The following OR1I1 variants were observed in gnomAD, a reference collection of about 807,000 sequenced individuals.
OR1I1 encodes the protein olfactory receptor family 1 subfamily I member 1, also known as olfactory receptor 1I1.
For missense variants in OR1I1, 451 were observed against 443.6 expected (o/e 1.02, Z -0.15); for synonymous variants, 171 against 181.4 (o/e 0.94, Z 0.46).
At chr19:15,084,067 T>G (rs1370639776) in intron 1 of OR1I1, among the ~76,000 whole-genome samples, 1 of 152,162 alleles carries the variant, frequency 6.6e-6, no homozygotes, top group East Asian at 1.9e-4. Flanking sequence ...AGCTTCGAAA[T>G]GCCTCATAAA....
At position 15,087,377 on chromosome 19, in the gene OR1I1, C is replaced by A; in HGVS notation, c.312C>A (p.Phe104Leu). ...FVGCLTQMYA[F>L]HLFGTMDSFL... ...GCTGCCTCACCCAGATGTATGCCTT[C>A]CACCTGTTCGGGACCATGGACAGCT... The change falls in exon 2 of 2, where the codon TTC (phenylalanine) becomes TTA (leucine). Residue 104 changes from phenylalanine (F) to leucine (L), a missense_variant. Coordinates refer to ENST00000641398, the MANE Select transcript of OR1I1 (RefSeq NM_001004713.2). 1 of 1,614,206 alleles carries A rather than the reference C, an allele frequency of 6.2e-7. No individual in the cohort carries two copies. The highest frequency in any genetic ancestry group is 8.5e-7 in the Non-Finnish European group (1 of 1,180,038).
At position 15,084,780 on chromosome 19, in the gene OR1I1, G is replaced by GA. The variant is rs534634062; in HGVS notation, c.-13-2264dup. 1.8e-4 allele frequency among the ~76,000 whole-genome samples: 27 copies of GA among 149,578 alleles called. 1 individual carries two copies. In the South Asian group the frequency reaches 4.7e-3, roughly 26 times the overall value. ...CATGCTGAGCAGCCAATAGCTGGGG[G>GA]AAAAAAAAAGAAAGAAACTGGCTCC... On this transcript the variant is annotated intron_variant, in intron 1 of 1. Coordinates refer to ENST00000641398, the MANE Select transcript of OR1I1 (RefSeq NM_001004713.2).
Position 15,088,470 on chromosome 19 carries a change from C to G in OR1I1, c.*337C>G, listed in dbSNP as rs1651420886. 7.3e-6 allele frequency: 2 copies of G among 273,448 alleles called. No homozygotes were observed. Among genetic ancestry groups the G allele is most frequent in the Non-Finnish European group, 1.4e-5 (2 of 142,336 alleles). The allele number at this position is 273,448 out of a possible 1,614,324, so 16.9% of individuals were successfully genotyped here. A position where few individuals can be genotyped will look rare whatever the true frequency, so the allele number is the denominator to read the frequency against. On this transcript the variant is annotated 3_prime_UTR_variant, in exon 2 of 2. Coordinates refer to ENST00000641398, the MANE Select transcript of OR1I1 (RefSeq NM_001004713.2). ...GTTTGAGACCAGCCTGGGCAACATA[C>G]AGAGACCCTATCTCCACACACACAC...
chr19:15,087,760 G>C lies in OR1I1; in HGVS notation c.695G>C (p.Arg232Pro). Residue 232 changes from arginine (R) to proline (P), a missense_variant, in exon 2 of 2, where the codon CGG becomes CCG. Transcript: ENST00000641398. Reference sequence around the variant, plus strand: ...ACAGTCTTTAAGATCCCTTCTACTCGGGGCAAGTGGAAAGCCTTCTCCACC... The same window carrying C: ...ACAGTCTTTAAGATCCCTTCTACTCCGGGCAAGTGGAAAGCCTTCTCCACC... Reference protein sequence around the residue: ...FWTVFKIPSTRGKWKAFSTCG... With the variant: ...FWTVFKIPSTPGKWKAFSTCG... 6.2e-7 allele frequency: 1 copy of C among 1,614,114 alleles called. No homozygotes were observed. Among genetic ancestry groups the C allele is most frequent in the Non-Finnish European group, 8.5e-7 (1 of 1,180,020 alleles).
chr19:15,092,168 C>A lies in OR1I1; in HGVS notation c.*4035C>A, dbSNP rs1292476516. 1 of 122,552 alleles carries A rather than the reference C, an allele frequency of 8.2e-6. No individual in the cohort carries two copies. Among genetic ancestry groups the A allele is most frequent in the Non-Finnish European group, 1.6e-5 (1 of 62,140 alleles). 7.6% of individuals were successfully genotyped at this position (122,552 alleles called of 1,614,324 possible). ...ACTTGTATTCTAGCTGTGAACTGGCCCAGGTCCATGGCCCTTAGGTGTAAT... is the reference window on the plus strand; with the variant it reads ...ACTTGTATTCTAGCTGTGAACTGGCACAGGTCCATGGCCCTTAGGTGTAAT... On this transcript the variant is annotated 3_prime_UTR_variant, in exon 2 of 2. Transcript: ENST00000641398.
At chr19:15,085,180 T>A (rs1303380343) in intron 1 of OR1I1, among the ~76,000 whole-genome samples, 27 of 92,008 alleles carry the variant, frequency 2.9e-4, no homozygotes, top group East Asian at 1.1e-3. Flanking sequence ...ATATATATTT[T>A]TTTTTTTGAG....
intron 1 of OR1I1, among the ~76,000 whole-genome samples, chr19:15,085,031 C>T (rs1422342532): frequency 6.7e-6 from 1 of 149,352 alleles, no homozygotes; most frequent in Non-Finnish European, 1.5e-5. Flanking sequence ...GATAATTTTG[C>T]CTAACTGTAG....
At chr19:15,086,008 G>T (rs34857561) in intron 1 of OR1I1, among the ~76,000 whole-genome samples, 4 of 151,880 alleles carry the variant, frequency 2.6e-5, no homozygotes, top group Non-Finnish European at 4.4e-5. Context: ...GAGGGTTGAG[G>T]GGGGAGGAAA....
At position 15,087,073 on chromosome 19, in the gene OR1I1, C is replaced by T. The variant is rs141567492; in HGVS notation, c.8C>T (p.Pro3Leu). 4.3e-5 allele frequency: 69 copies of T among 1,610,206 alleles called. 1 individual carries two copies. The South Asian group carries it at 7.3e-4, about 17-fold the overall frequency. ME[P>L]EKQTEISEFF... The stretch of plus-strand genomic sequence containing the variant: ...ACTAGTCACAGACCATACATGGAAC[C>T]AGAAAAGCAAACCGAAATCTCAGAA... The change falls in exon 2 of 2, where the codon CCA becomes CTA. Residue 3 changes from proline to leucine, a missense_variant. By Grantham distance (98) the Pro-to-Leu change is moderately conservative. Transcript: ENST00000641398.
intron 1 of OR1I1, among the ~76,000 whole-genome samples, chr19:15,085,170 A>ATTTTTTT (rs1568321906): frequency 1.6e-4 from 3 of 19,332 alleles, no homozygotes; most frequent in African/African-American, 3.5e-4. Context: ...ATATATATAT[A>ATTTTTTT]TATATATTTT....
In OR1I1 at chr19:15,084,543, G is replaced by GT. The variant is rs562713804; in HGVS notation, c.-14+2268dup. 1.5e-3 allele frequency among the ~76,000 whole-genome samples: 223 copies of GT among 152,150 alleles called. 1 individual carries two copies. The highest frequency in any genetic ancestry group is 5.0e-3 in the African/African-American group (208 of 41,488). ...ACTGCACTCCAGCTTGGGTGACAGAGTAAGACTCCATCTCAAAAAAGAAAA... is the reference window on the plus strand; with the variant it reads ...ACTGCACTCCAGCTTGGGTGACAGAGTTAAGACTCCATCTCAAAAAAGAAAA... On this transcript the variant is annotated intron_variant, in intron 1 of 1. Transcript: ENST00000641398.
intron 1 of OR1I1, among the ~76,000 whole-genome samples, chr19:15,083,189 C>T (rs2046216306): frequency 6.6e-6 from 1 of 152,158 alleles, no homozygotes; most frequent in South Asian, 2.1e-4. Flanking sequence ...GATTCTCCCA[C>T]CTCAGCCTTC....
rs182465539 is a variant in OR1I1 at position 15,091,095 on chromosome 19, G to C, written c.*2962G>C. On this transcript the variant is annotated 3_prime_UTR_variant, in exon 2 of 2. Coordinates refer to ENST00000641398, the MANE Select transcript of OR1I1 (RefSeq NM_001004713.2). ...GCATGGATTCACTTACTGGGTATCA[G>C]CATGATGACAATAATGATGATGACA... The C allele has an allele frequency of 3.9e-5, 6 of 152,304 alleles. No homozygotes were observed. In the East Asian group the frequency reaches 1.2e-3, roughly 29 times the overall value. The allele number at this position is 152,304 out of a possible 1,614,324, so 9.4% of individuals were successfully genotyped here.
At position 15,091,855 on chromosome 19, in the gene OR1I1, GT is replaced by G. The variant is rs2046257950; in HGVS notation, c.*3725del. Reference sequence around the variant, plus strand: ...AAAAAAAAAAAAAAAAAAAAAAAAAGTTTGTAATTTAAAAGTTTGAGCATCA... The same window carrying G: ...AAAAAAAAAAAAAAAAAAAAAAAAAGTTGTAATTTAAAAGTTTGAGCATCA... On this transcript the variant is annotated 3_prime_UTR_variant, in exon 2 of 2. Coordinates refer to ENST00000641398, the MANE Select transcript of OR1I1 (RefSeq NM_001004713.2). 8.1e-6 allele frequency: 1 copy of G among 123,024 alleles called. No individual in the cohort carries two copies. The highest frequency in any genetic ancestry group is 1.7e-5 in the Non-Finnish European group (1 of 58,720). 7.6% of individuals were successfully genotyped at this position (123,024 alleles called of 1,614,324 possible).
chr19:15,086,005 G>A (rs1181680332), intron 1 of OR1I1, among the ~76,000 whole-genome samples: 1 of 152,136 alleles, frequency 6.6e-6, no homozygotes, highest in Non-Finnish European at 1.5e-5. Flanking sequence ...AAGGAGGGTT[G>A]AGGGGGGAGG....
intron 1 of OR1I1, among the ~76,000 whole-genome samples, chr19:15,085,176 A>ATATATATATATATGTTTTT (rs1555717400): frequency 2.5e-5 from 2 of 80,138 alleles, no homozygotes; most frequent in African/African-American, 4.6e-5. Context: ...ATATATATAT[A>ATATATATATATATGTTTTT]TTTTTTTTTT....
intron 1 of OR1I1, among the ~76,000 whole-genome samples, chr19:15,086,702 C>T (rs926450396): frequency 2.6e-5 from 4 of 151,950 alleles, no homozygotes; most frequent in African/African-American, 7.3e-5. Context: ...GCAATCTGCC[C>T]GCCTCAGCCT....
intron 1 of OR1I1, among the ~76,000 whole-genome samples, chr19:15,086,559 T>A (rs2046230862): frequency 6.6e-6 from 1 of 152,066 alleles, no homozygotes; most frequent in African/African-American, 2.4e-5. Context: ...GTTCAAGCTA[T>A]TCACCTGCCT....
chr19:15,085,166 ATATATAT>A (rs2046224892), intron 1 of OR1I1, among the ~76,000 whole-genome samples: 1 of 23,766 alleles, frequency 4.2e-5, no homozygotes, highest in Non-Finnish European at 9.6e-5. Flanking sequence ...ATATATATAT[ATATATAT>A]ATATTTTTTT....
Sources: gnomAD v4.1 joint callset for allele counts (sites outside exome capture counted in the v4.1 genomes callset) on GRCh38, gnomAD v4.1.1 for gene constraint, MANE v1.5 for transcripts, NCBI Gene and HGNC (gene_info 2026-07-23, HGNC 2026-07-21) for gene names.